The following HORMAD1 variants were observed in gnomAD, a reference collection of about 807,000 sequenced individuals.
HORMAD1 encodes HORMA domain containing 1.
In HORMAD1, 33 loss-of-function variants were observed where a neutral mutation model predicts 58.2. The observed-to-expected ratio is 0.57, with a 90% CI of 0.43 to 0.76. The LOEUF is 0.76. Ranked by LOEUF, HORMAD1 falls within the 30% of genes least tolerant of loss-of-function variation. The probability of loss-of-function intolerance (pLI) is 0.00; values close to 1 mark genes in which losing one functional copy is unlikely to be tolerated. For synonymous variants in HORMAD1, 137 were observed against 144.6 expected (o/e 0.95, Z 0.38); for missense variants, 363 against 462.0 (o/e 0.79, Z 1.96).
At chr1:150,704,472 A>G (rs772348561) in intron 10 of HORMAD1, 129 bp from the exon 11 acceptor site, 2 of 628,852 alleles carry the variant, frequency 3.2e-6, no homozygotes, top group Non-Finnish European at 2.7e-6. Context: ...CTGGCCGGGC[A>G]TGGTGGCTCA....
At chr1:150,702,202 G>C (rs1271959611) in intron 13 of HORMAD1, among the ~76,000 whole-genome samples, 1 of 152,122 alleles carries the variant, frequency 6.6e-6, no homozygotes, top group East Asian at 1.9e-4. Context: ...TTAGAGAAAT[G>C]CAAATCAAAA....
intron 9 of HORMAD1, 44 bp downstream of exon 9, chr1:150,708,212 A>T: frequency 7.2e-7 from 1 of 1,395,460 alleles, no homozygotes; most frequent in Non-Finnish European, 9.6e-7. Flanking sequence ...CAATAATGAT[A>T]AAACATATGT....
intron 14 of HORMAD1, among the ~76,000 whole-genome samples, chr1:150,699,649 C>T (rs1173684618): frequency 4.0e-5 from 6 of 151,728 alleles, no homozygotes; most frequent in African/African-American, 7.3e-5. Flanking sequence ...CTCACCCTCC[C>T]GAGTAGCTGG....
intron 6 of HORMAD1, 99 bp from the exon 7 acceptor site, chr1:150,711,670 A>G: frequency 9.5e-7 from 1 of 1,055,496 alleles, no homozygotes; most frequent in South Asian, 1.3e-5. Flanking sequence ...AGCAAAACAA[A>G]CAAATAAAAA....
intron 3 of HORMAD1, among the ~76,000 whole-genome samples, chr1:150,715,564 T>A (rs927895862): frequency 6.6e-6 from 1 of 152,156 alleles, no homozygotes; most frequent in African/African-American, 2.4e-5. Context: ...AAGTTATTAT[T>A]GTAGTATAAA....
intron 13 of HORMAD1, 51 bp downstream of exon 13, chr1:150,703,258 TG>T: frequency 1.1e-6 from 1 of 911,970 alleles, no homozygotes. Flanking sequence ...AACTCACATA[TG>T]GGGGAGAATT....
rs1652173126 is a variant in HORMAD1, at chr1:150,718,993, ACGCCTG to A, written c.33+474_33+479del. On this transcript the variant is annotated intron_variant, in intron 2 of 14. Transcript: ENST00000361824. ...CAATTAATGCCGGGCGCGGTGGCTCACGCCTGTAATCCCAGCACTTTGGGAGGCCGA... is the reference window on the plus strand; with the variant it reads ...CAATTAATGCCGGGCGCGGTGGCTCATAATCCCAGCACTTTGGGAGGCCGA... Among the ~76,000 whole-genome samples, 2 of 3,710 alleles carry A rather than the reference ACGCCTG, an allele frequency of 5.4e-4. 1 individual carries two copies. Among genetic ancestry groups the A allele is most frequent in the Non-Finnish European group, 0.028 (2 of 72 alleles). The allele number at this position is 3,710 out of a possible 152,430, so 2.4% of individuals were successfully genotyped here. A position where few individuals can be genotyped will look rare whatever the true frequency, so the allele number is the denominator to read the frequency against.
intron 2 of HORMAD1, among the ~76,000 whole-genome samples, chr1:150,718,452 G>C (rs1014663015): frequency 1.3e-5 from 2 of 148,758 alleles, no homozygotes; most frequent in Non-Finnish European, 3.0e-5. Context: ...AGCTCAAAAA[G>C]TACCTAAAAA....
intron 14 of HORMAD1, 32 bp from the exon 15 acceptor site, chr1:150,698,766 T>C: frequency 8.2e-7 from 1 of 1,220,328 alleles, no homozygotes; most frequent in African/African-American, 1.6e-5. Context: ...TAAGAATAGA[T>C]ACTTTCCTGT....
chr1:150,706,943 T>A, intron 9 of HORMAD1, 134 bp from the exon 10 acceptor site: 1 of 667,440 alleles, frequency 1.5e-6, no homozygotes, highest in Non-Finnish European at 2.3e-6. Flanking sequence ...CGAATTACTC[T>A]CCTGCTATGT....
In HORMAD1 at chr1:150,704,182, A is replaced by G; in HGVS notation, c.884T>C (p.Val295Ala). The stretch of plus-strand genomic sequence containing the variant: ...CCTCATAATTTCATCTTCCTCACAA[A>G]CTAAACTTGGTTCTGTAAAAAAAAA... ...ASSELEEPSL[V>A]CEEDEIMRSK... Residue 295 changes from valine to alanine, a missense_variant, in exon 12 of 15, where the codon GTT becomes GCT. Physicochemically the swap from Val to Ala is moderately conservative, Grantham distance 64. Coordinates refer to ENST00000361824, the MANE Select transcript of HORMAD1 (RefSeq NM_032132.5). The G allele has an allele frequency of 1.3e-6, 2 of 1,590,448 alleles. No individual in the cohort carries two copies.
chr1:150,706,584 T>C lies in HORMAD1; in HGVS notation c.773A>G (p.Asp258Gly), dbSNP rs761828981. 1.2e-6 allele frequency: 2 copies of C among 1,610,138 alleles called. No homozygotes were observed. Among genetic ancestry groups the C allele is most frequent in the Middle Eastern group, 1.7e-4 (1 of 6,050 alleles). The change falls in exon 10 of 15, where the codon GAT becomes GGT. Residue 258 changes from aspartate to glycine, a missense_variant. Asp to Gly is a moderately conservative substitution (Grantham distance 94, BLOSUM62 -1). Coordinates refer to ENST00000361824, the MANE Select transcript of HORMAD1 (RefSeq NM_032132.5). ...ATAATGCTCCTGTTCATCTTCTACA[T>C]CTTTGTCCCTCAGGATTTTTTGAAA... ...TPFQKILRDKDVEDEQEHYTS... is the reference protein window; with the variant it reads ...TPFQKILRDKGVEDEQEHYTS...
intron 3 of HORMAD1, 91 bp downstream of exon 3, chr1:150,717,047 T>A (rs1476550753): frequency 4.1e-6 from 3 of 735,766 alleles, no homozygotes; most frequent in African/African-American, 3.7e-5. Context: ...TCTATTAAAA[T>A]AAAATTTCTA....
chr1:150,720,199 G>A (rs1272490476), intron 1 of HORMAD1, among the ~76,000 whole-genome samples: 1 of 152,100 alleles, frequency 6.6e-6, no homozygotes, highest in South Asian at 2.1e-4. Flanking sequence ...TGAGCCTCCT[G>A]AGTAGCTGGG....
In HORMAD1 at chr1:150,711,683, A is replaced by T. The variant is rs1266514663; in HGVS notation, c.301-112T>A. 5.1e-5 allele frequency: 50 copies of T among 978,444 alleles called. 2 individuals are homozygous for T. In the South Asian group the frequency reaches 5.3e-4, roughly 10 times the overall value. The allele number at this position is 978,444 out of a possible 1,614,324, so 60.6% of individuals were successfully genotyped here. On this transcript the variant is annotated intron_variant, in intron 6 of 14. Transcript: ENST00000361824. ...TCAGCAAAACAAACAAATAAAAATGACCACCCAAAATATTACTTTTTCATT... is the reference window on the plus strand; with the variant it reads ...TCAGCAAAACAAACAAATAAAAATGTCCACCCAAAATATTACTTTTTCATT...
At chr1:150,709,966 T>C (rs1311546261) in intron 7 of HORMAD1, among the ~76,000 whole-genome samples, 1 of 152,208 alleles carries the variant, frequency 6.6e-6, no homozygotes, top group Non-Finnish European at 1.5e-5. Flanking sequence ...GTTGCTGACC[T>C]TCTCCTTATT....
intron 10 of HORMAD1, 152 bp downstream of exon 10, chr1:150,706,401 C>A: frequency 3.0e-6 from 2 of 669,744 alleles, no homozygotes; most frequent in South Asian, 2.1e-5. Flanking sequence ...AGTTTTAAAA[C>A]CATAGGCCTA....
At chr1:150,718,934 T>C (rs1186137292) in intron 2 of HORMAD1, among the ~76,000 whole-genome samples, 1 of 152,222 alleles carries the variant, frequency 6.6e-6, no homozygotes, top group Non-Finnish European at 1.5e-5. Context: ...AATGAGCAAT[T>C]TAATGCAATG....
At chr1:150,711,760 TTA>T (rs1651912250) in intron 6 of HORMAD1, 71 bp downstream of exon 6, 9 of 1,032,716 alleles carry the variant, frequency 8.7e-6, no homozygotes, top group Middle Eastern at 2.0e-4. Flanking sequence ...ATTGATAGTT[TTA>T]GTGTCATTTA....
Sources: allele counts gnomAD v4.1 joint callset (sites outside exome capture counted in the v4.1 genomes callset), GRCh38; gene constraint gnomAD v4.1.1; transcripts MANE v1.5; gene names NCBI Gene and HGNC (gene_info 2026-07-23, HGNC 2026-07-21).